The following ABCB4 variants were observed in gnomAD, a reference collection of about 807,000 sequenced individuals.
ABCB4 encodes ATP binding cassette subfamily B member 4, also known as phosphatidylcholine translocator ABCB4.
Under a neutral mutation model 145.7 loss-of-function variants are expected in ABCB4, and 76 were observed. The ratio of observed to expected loss-of-function variants is 0.52; its 90% confidence interval spans 0.43 to 0.63. ABCB4 has a LOEUF of 0.63. ABCB4 is among the 30% of genes least tolerant of loss of function. The pLI is 0.00. For synonymous variants in ABCB4, 517 were observed against 566.8 expected (o/e 0.91, Z 1.25); for missense variants, 1,234 against 1,553.1 (o/e 0.79, Z 3.45).
chr7:87,475,706 C>CGCCGCG (rs2117011002), upstream of ABCB4: 2 of 467,668 alleles, frequency 4.3e-6, no homozygotes, highest in South Asian at 3.0e-5. Context: ...GGACTTTGCT[C>CGCCGCG]GCCGCGGCCT....
chr7:87,410,349 C>A (rs1170401183), intron 23 of ABCB4, among the ~76,000 whole-genome samples: 1 of 151,974 alleles, frequency 6.6e-6, no homozygotes, highest in East Asian at 1.9e-4. Flanking sequence ...GGTTTTAATA[C>A]CTAGGGGCTG....
the ABCB4 span, among the ~76,000 whole-genome samples, chr7:87,394,220 G>A: frequency 1.5e-3 from 226 of 152,238 alleles, 2 homozygotes; most frequent in African/African-American, 5.2e-3. Context: ...CTACTGTGGT[G>A]AGCTAAAGAG....
At chr7:87,388,096 C>T in the ABCB4 span, among the ~76,000 whole-genome samples, 1 of 152,112 alleles carries the variant, frequency 6.6e-6, no homozygotes, top group Non-Finnish European at 1.5e-5. Context: ...CAAGACTGCA[C>T]AGAGAAACAG....
In ABCB4 at chr7:87,443,216, C is replaced by T. The variant is rs928906415; in HGVS notation, c.1356+103G>A. The T allele has an allele frequency of 1.7e-5, 26 of 1,502,432 alleles. No homozygotes were observed. The African/African-American group carries it at 3.4e-4, about 20-fold the overall frequency. The allele number at this position is 1,502,432 out of a possible 1,614,324, so 93.1% of individuals were successfully genotyped here. A position where few individuals can be genotyped will look rare whatever the true frequency, so the allele number is the denominator to read the frequency against. ...GCATTGCCATTTTGTAGGCTTTTTA[C>T]CAAAACTGGATTCACACGCAAATTT... On this transcript the variant is annotated intron_variant, in intron 12 of 27. Coordinates refer to ENST00000649586, the MANE Select transcript of ABCB4 (RefSeq NM_000443.4).
chr7:87,457,254 C>T (rs529719278), intron 4 of ABCB4, among the ~76,000 whole-genome samples: 3 of 152,100 alleles, frequency 2.0e-5, no homozygotes, highest in Non-Finnish European at 4.4e-5. Context: ...TCCACCTTTA[C>T]AAAAAGTTGG....
intron 14 of ABCB4, among the ~76,000 whole-genome samples, chr7:87,437,447 A>G (rs1810682650): frequency 1.3e-5 from 2 of 152,128 alleles, no homozygotes; most frequent in South Asian, 4.1e-4. Context: ...CAGCCAATAC[A>G]CTGAATTGTT....
At chr7:87,470,394 T>C (rs1813278970) in intron 3 of ABCB4, among the ~76,000 whole-genome samples, 1 of 152,106 alleles carries the variant, frequency 6.6e-6, no homozygotes, top group East Asian at 1.9e-4. Flanking sequence ...ACTAAAGAGC[T>C]TCTGCACAGC....
chr7:87,420,365 C>T (rs1379192960), intron 18 of ABCB4, among the ~76,000 whole-genome samples: 1 of 152,166 alleles, frequency 6.6e-6, no homozygotes, highest in Admixed American at 6.5e-5. Flanking sequence ...TGGCAGGATC[C>T]AGTCAGATGG....
At chr7:87,418,069 G>A (rs996416634) in intron 20 of ABCB4, among the ~76,000 whole-genome samples, 1 of 152,216 alleles carries the variant, frequency 6.6e-6, no homozygotes, top group African/African-American at 2.4e-5. Flanking sequence ...GAGCTGCAAA[G>A]TAACCCACCT....
At chr7:87,395,690 C>T in the ABCB4 span, among the ~76,000 whole-genome samples, 1 of 152,142 alleles carries the variant, frequency 6.6e-6, no homozygotes, top group Non-Finnish European at 1.5e-5. Flanking sequence ...TCACTGAAGT[C>T]AGGAAGTACC....
intron 4 of ABCB4, among the ~76,000 whole-genome samples, chr7:87,460,124 T>C (rs1382885879): frequency 6.6e-6 from 1 of 152,174 alleles, no homozygotes. Flanking sequence ...CAGCTCCGCA[T>C]CTGGAAGGTC....
chr7:87,393,018 C>T, the ABCB4 span: 15 of 1,613,162 alleles, frequency 9.3e-6, no homozygotes, highest in Admixed American at 1.7e-5. Context: ...AGTGGTAGTT[C>T]CCATGGTACA....
At chr7:87,382,317 T>A in the ABCB4 span, 2 of 1,448,678 alleles carry the variant, frequency 1.4e-6, no homozygotes, top group Non-Finnish European at 1.9e-6. Context: ...ATTCTTTATG[T>A]CTGGTGATTA....
At chr7:87,426,944 AGTGTGTGTGTGTGTGT>A (rs10647775) in intron 15 of ABCB4, 24 bp from the exon 16 acceptor site, 12 of 1,033,076 alleles carry the variant, frequency 1.2e-5, no homozygotes, top group African/African-American at 1.6e-5. Flanking sequence ...AAGACATTAA[AGTGTGTGTGTGTGTGT>A]GTGTGTGTGT....
chr7:87,375,700 G>A, the ABCB4 span: 1 of 1,613,576 alleles, frequency 6.2e-7, no homozygotes. Context: ...GCATTAACTA[G>A]TGAGGAGCGA....
intron 14 of ABCB4, among the ~76,000 whole-genome samples, chr7:87,438,289 T>C (rs1810741905): frequency 6.6e-6 from 1 of 152,180 alleles, no homozygotes; most frequent in African/African-American, 2.4e-5. Context: ...ATGTACTGCT[T>C]TAAGTAACTT....
chr7:87,388,976 A>T, the ABCB4 span, among the ~76,000 whole-genome samples: 2 of 152,246 alleles, frequency 1.3e-5, no homozygotes, highest in Non-Finnish European at 2.9e-5. Context: ...GTGAACAGAC[A>T]CTTCTCAAAA....
chr7:87,472,397 A>G (rs1468834434), intron 3 of ABCB4, among the ~76,000 whole-genome samples: 1 of 151,922 alleles, frequency 6.6e-6, no homozygotes, highest in Non-Finnish European at 1.5e-5. Flanking sequence ...TTTTATTTTT[A>G]TTATTTTGTA....
chr7:87,385,225 G>A, the ABCB4 span, among the ~76,000 whole-genome samples: 1 of 147,606 alleles, frequency 6.8e-6, no homozygotes, highest in African/African-American at 2.5e-5. Flanking sequence ...TCCTATTTTT[G>A]TGAAGAATAT....
Sources: gnomAD v4.1 joint callset for allele counts (sites outside exome capture counted in the v4.1 genomes callset) on GRCh38, gnomAD v4.1.1 for gene constraint, MANE v1.5 for transcripts, NCBI Gene and HGNC (gene_info 2026-07-23, HGNC 2026-07-21) for gene names.